Variants in LCORL observed in about 807,000 individuals in gnomAD.
The protein encoded by LCORL is ligand dependent nuclear receptor corepressor like, also known as ligand-dependent nuclear receptor corepressor-like protein.
Under a neutral mutation model 141.8 loss-of-function variants are expected in LCORL, and 41 were observed. The observed-to-expected ratio is 0.29, with a 90% CI of 0.23 to 0.38. The LOEUF (loss-of-function observed/expected upper bound fraction) is 0.38, where lower values mean the gene tolerates loss of function less well. Ranked by LOEUF, LCORL falls within the 10% of genes least tolerant of loss-of-function variation. The pLI is 1.00. For missense variants in LCORL, 1,759 were observed against 2,035.0 expected (o/e 0.86, Z 2.61); for synonymous variants, 618 against 694.1 (o/e 0.89, Z 1.72).
chr4:18,003,135 T>C (rs1187319976), intron 1 of LCORL, among the ~76,000 whole-genome samples: 3 of 152,138 alleles, frequency 2.0e-5, no homozygotes, highest in Non-Finnish European at 4.4e-5. Context: ...TATATCCATA[T>C]CTCCGTGCTT....
chr4:17,924,969 T>C (rs1320608451), intron 4 of LCORL, among the ~76,000 whole-genome samples: 1 of 151,814 alleles, frequency 6.6e-6, no homozygotes, highest in East Asian at 1.9e-4. Context: ...AGTCAAGGGG[T>C]GGAAGTTGAA....
chr4:17,842,114 T>TTAAG, exon 8 of LCORL: 2 of 516,360 alleles, frequency 3.9e-6, no homozygotes, highest in African/African-American at 2.0e-5. Flanking sequence ...ACAAAATAAA[T>TTAAG]TAAGTTTTAA....
chr4:17,877,638 A>C, exon 7 of LCORL: 1 of 1,230,528 alleles, frequency 8.1e-7, no homozygotes, highest in Non-Finnish European at 1.0e-6. Flanking sequence ...CAATTTTTCA[A>C]ATCCTTCAGT....
exon 8 of LCORL, chr4:17,842,348 A>C: frequency 6.2e-7 from 1 of 1,612,234 alleles, no homozygotes; most frequent in Non-Finnish European, 8.5e-7. Context: ...GACGAACAGG[A>C]GGTGTCAGAC....
intron 7 of LCORL, among the ~76,000 whole-genome samples, chr4:17,863,883 C>G (rs775819071): frequency 6.6e-6 from 1 of 152,142 alleles, no homozygotes; most frequent in Non-Finnish European, 1.5e-5. Context: ...CCTAAGCAAA[C>G]TAATGCAGGA....
intron 1 of LCORL, among the ~76,000 whole-genome samples, chr4:18,009,851 C>T (rs944503948): frequency 6.6e-6 from 1 of 152,096 alleles, no homozygotes; most frequent in African/African-American, 2.4e-5. Context: ...CCCATGGACA[C>T]CCTCCTCACC....
intron 6 of LCORL, chr4:17,882,489 T>C: frequency 1.5e-5 from 15 of 984,478 alleles, no homozygotes; most frequent in Non-Finnish European, 1.8e-5. Flanking sequence ...CTTATGAGTC[T>C]AGTAAAAGTT....
exon 7 of LCORL, chr4:17,875,466 T>C (rs1230762859): frequency 1.6e-6 from 2 of 1,231,358 alleles, no homozygotes; most frequent in African/African-American, 3.1e-5. Context: ...AGTTGGAAAA[T>C]CACCAGCATT....
chr4:17,972,096 A>G (rs557649959), intron 2 of LCORL, among the ~76,000 whole-genome samples: 3 of 151,982 alleles, frequency 2.0e-5, no homozygotes, highest in African/African-American at 7.2e-5. Context: ...AAACTATGCC[A>G]GTGAAGAGAC....
chr4:17,972,675 G>C (rs920215109), intron 2 of LCORL, 145 bp downstream of exon 2: 1 of 330,246 alleles, frequency 3.0e-6, no homozygotes, highest in Non-Finnish European at 5.4e-6. Flanking sequence ...AAAAATATCT[G>C]GATTACTTTA....
chr4:17,893,507 G>C (rs1345907942), intron 5 of LCORL: 22 of 985,252 alleles, frequency 2.2e-5, no homozygotes, highest in Non-Finnish European at 2.5e-5. Flanking sequence ...AGCACTGCGA[G>C]TGTGTTTTGT....
At chr4:17,893,543 T>C in intron 5 of LCORL, 1 of 985,152 alleles carries the variant, frequency 1.0e-6, no homozygotes, top group South Asian at 4.7e-5. Context: ...CTTCAGAAAA[T>C]GGTTTGGAAG....
At chr4:17,899,496 G>A (rs1021117509) in intron 5 of LCORL, among the ~76,000 whole-genome samples, 6 of 152,064 alleles carry the variant, frequency 3.9e-5, no homozygotes, top group Non-Finnish European at 7.4e-5. Flanking sequence ...AGAAGGAAAC[G>A]GAACAAGTCC....
chr4:17,876,852 G>C, exon 7 of LCORL: 1 of 1,230,674 alleles, frequency 8.1e-7, no homozygotes, highest in South Asian at 4.1e-5. Context: ...TTCATTAAAA[G>C]ACAAGTTAGT....
Position 18,021,014 on chromosome 4 carries a change from C to T in LCORL, c.154+584G>A, listed in dbSNP as rs980025742. On this transcript the variant is annotated intron_variant, in intron 1 of 7. Coordinates refer to ENST00000635767, the Ensembl canonical transcript of LCORL. The surrounding 1 kb of genome is among the most constrained non-coding windows in gnomAD (Gnocchi z 5.5). ...TGGGCGCCCCCCGCCCCTCGGACGACGCCCCCGCCGCCCCTCGCCCCCAGC... is the reference window on the plus strand; with the variant it reads ...TGGGCGCCCCCCGCCCCTCGGACGATGCCCCCGCCGCCCCTCGCCCCCAGC... 1.3e-5 allele frequency among the ~76,000 whole-genome samples: 2 copies of T among 152,112 alleles called. No homozygotes were observed. The highest frequency in any genetic ancestry group is 2.9e-5 in the Non-Finnish European group (2 of 67,984).
At chr4:17,957,443 T>C (rs191331436) in intron 4 of LCORL, among the ~76,000 whole-genome samples, 2 of 152,062 alleles carry the variant, frequency 1.3e-5, no homozygotes, top group African/African-American at 2.4e-5. Flanking sequence ...AGGGATTCTG[T>C]TGATGGAAGA....
At chr4:17,873,683 C>T (rs1726616493) in exon 7 of LCORL, 2 of 1,233,918 alleles carry the variant, frequency 1.6e-6, no homozygotes, top group Non-Finnish European at 2.0e-6. Context: ...AAGTAAAGCG[C>T]TTTGATTCTT....
chr4:17,948,418 A>G (rs1739226225), intron 4 of LCORL, among the ~76,000 whole-genome samples: 1 of 152,092 alleles, frequency 6.6e-6, no homozygotes, highest in African/African-American at 2.4e-5. Context: ...GAAATAAAAG[A>G]CAGTGTCTAT....
At chr4:17,901,618 T>G (rs12644764) in intron 5 of LCORL, among the ~76,000 whole-genome samples, 5 of 152,090 alleles carry the variant, frequency 3.3e-5, no homozygotes, top group Non-Finnish European at 7.4e-5. Flanking sequence ...GCACTCAATA[T>G]AGCTGTAAGT....
Sources: gnomAD v4.1 joint callset for allele counts (sites outside exome capture counted in the v4.1 genomes callset) on GRCh38, gnomAD v4.1.1 for gene constraint, Gnocchi (gnomAD v3.1) non-coding constraint, MANE v1.5 for transcripts, NCBI Gene and HGNC (gene_info 2026-07-23, HGNC 2026-07-21) for gene names.